Variants in FER observed in about 807,000 individuals in gnomAD.
The protein encoded by FER is tyrosine-protein kinase Fer.
Under a neutral mutation model 111.0 loss-of-function variants are expected in FER, and 63 were observed. The observed-to-expected ratio is 0.57, with a 90% CI of 0.46 to 0.70. The LOEUF (loss-of-function observed/expected upper bound fraction) is 0.70. FER is among the 30% of genes least tolerant of loss of function. The pLI is 0.00. For synonymous variants in FER, 327 were observed against 313.9 expected (o/e 1.04, Z -0.44); for missense variants, 914 against 954.0 (o/e 0.96, Z 0.55).
rs960662798 is a variant in FER at position 108,820,008 on chromosome 5, T to C, written c.208-12762T>C. 3.0e-6 allele frequency: 3 copies of C among 984,410 alleles called. No individual in the cohort carries two copies. In the African/African-American group the frequency reaches 5.3e-5, roughly 17 times the overall value. The allele number at this position is 984,410 out of a possible 1,614,324, so 61.0% of individuals were successfully genotyped here. On this transcript the variant is annotated intron_variant, in intron 3 of 19. Coordinates refer to ENST00000281092, the MANE Select transcript of FER (RefSeq NM_005246.4). ...ATCTGGAACTACAGGAAATAGAAAA[T>C]AACAGAACGGCTTGTCTAGGACATG...
intron 13 of FER, among the ~76,000 whole-genome samples, chr5:109,008,933 G>T (rs1765855962): frequency 6.6e-6 from 1 of 151,984 alleles, no homozygotes; most frequent in African/African-American, 2.4e-5. Context: ...TCGTGCCGTT[G>T]CACTCTAGCC....
intron 15 of FER, 95 bp from the exon 16 acceptor site, chr5:109,047,008 AT>A (rs1772084445): frequency 1.7e-6 from 1 of 602,990 alleles, no homozygotes; most frequent in Non-Finnish European, 2.8e-6. Context: ...TTGAATTATG[AT>A]TCAAGAGTAT....
At chr5:108,928,142 T>G (rs922172558) in intron 10 of FER, among the ~76,000 whole-genome samples, 1 of 152,196 alleles carries the variant, frequency 6.6e-6, no homozygotes, top group Non-Finnish European at 1.5e-5. Flanking sequence ...GTTCGTTCCT[T>G]TTTTAGAAGG....
intron 16 of FER, among the ~76,000 whole-genome samples, chr5:109,093,351 TCTTTA>T (rs1747064106): frequency 6.6e-6 from 1 of 152,204 alleles, no homozygotes; most frequent in South Asian, 2.1e-4. Context: ...TGCAATGTGT[TCTTTA>T]CAAGTATTAT....
chr5:108,767,722 TCC>T (rs1429894820), intron 1 of FER, among the ~76,000 whole-genome samples: 62 of 152,352 alleles, frequency 4.1e-4, no homozygotes, highest in African/African-American at 1.3e-3. Flanking sequence ...ACTCAGGCCA[TCC>T]TCCTACTTTG....
intron 11 of FER, among the ~76,000 whole-genome samples, chr5:108,952,866 A>G (rs1177005770): frequency 2.0e-5 from 3 of 152,084 alleles, no homozygotes; most frequent in Non-Finnish European, 2.9e-5. Context: ...GGCTAGGACA[A>G]GAAATCAACA....
At position 108,871,371 on chromosome 5, in the gene FER, T is replaced by C. The variant is rs1764583821; in HGVS notation, c.672T>C (p.Gly224=). The C allele has an allele frequency of 6.2e-7, 1 of 1,608,024 alleles. No individual in the cohort carries two copies. The highest frequency in any genetic ancestry group is 8.5e-7 in the Non-Finnish European group (1 of 1,177,236). Residue 224 remains glycine (G), a synonymous_variant, in exon 7 of 20, where the codon GGT becomes GGC. Coordinates refer to ENST00000281092, the MANE Select transcript of FER (RefSeq NM_005246.4). ...ATTTTATTTTTGTTTTCAGCAAAGGTATATTTGATGAATACAGCCAGATAA... is the reference window on the plus strand; with the variant it reads ...ATTTTATTTTTGTTTTCAGCAAAGGCATATTTGATGAATACAGCCAGATAA... ...MQEEMIKALK[G]IFDEYSQITS...
intron 16 of FER, chr5:109,051,375 T>C: frequency 6.2e-7 from 1 of 1,612,010 alleles, no homozygotes; most frequent in Admixed American, 1.7e-5. Flanking sequence ...TGCTTGAAGG[T>C]TGCTGGTCCA....
At chr5:108,943,160 A>G (rs1756500518) in intron 10 of FER, among the ~76,000 whole-genome samples, 1 of 152,068 alleles carries the variant, frequency 6.6e-6, no homozygotes, top group Non-Finnish European at 1.5e-5. Flanking sequence ...AACTGTGACT[A>G]ACTGCTCCAA....
At chr5:108,758,064 A>G (rs1451907288) in intron 1 of FER, among the ~76,000 whole-genome samples, 5 of 152,216 alleles carry the variant, frequency 3.3e-5, no homozygotes, top group East Asian at 1.9e-4. Flanking sequence ...ATGGCCTTCA[A>G]TCTACATTAT....
chr5:108,966,466 C>G (rs1295998730), intron 13 of FER, among the ~76,000 whole-genome samples: 1 of 149,346 alleles, frequency 6.7e-6, no homozygotes, highest in Non-Finnish European at 1.5e-5. Context: ...CAGCTCACTG[C>G]AACCTCCACC....
chr5:108,793,223 A>C (rs1410434744), intron 2 of FER, among the ~76,000 whole-genome samples: 1 of 152,086 alleles, frequency 6.6e-6, no homozygotes, highest in Non-Finnish European at 1.5e-5. Context: ...CAGGAGCTCA[A>C]GATTGTCTTT....
intron 5 of FER, among the ~76,000 whole-genome samples, chr5:108,847,764 A>G (rs924679036): frequency 3.9e-5 from 6 of 152,116 alleles, no homozygotes; most frequent in Non-Finnish European, 8.8e-5. Flanking sequence ...AATGACCTTT[A>G]TTATGCCTGG....
At chr5:108,755,129 T>G (rs1391876452) in intron 1 of FER, among the ~76,000 whole-genome samples, 2 of 152,236 alleles carry the variant, frequency 1.3e-5, no homozygotes, top group African/African-American at 4.8e-5. Context: ...ATTTTTTTGC[T>G]TCTGAAATGA....
chr5:108,917,917 C>T (rs1752477456), intron 10 of FER, among the ~76,000 whole-genome samples: 1 of 152,072 alleles, frequency 6.6e-6, no homozygotes, highest in Non-Finnish European at 1.5e-5. Context: ...AAAAGATTTA[C>T]ATGCTTGTGT....
chr5:108,972,430 T>C (rs1760783263), intron 13 of FER, among the ~76,000 whole-genome samples: 1 of 152,218 alleles, frequency 6.6e-6, no homozygotes, highest in East Asian at 1.9e-4. Context: ...ATTTTCATTA[T>C]TCCATCTTCA....
intron 16 of FER, chr5:109,052,475 C>G (rs568751903): frequency 1.9e-6 from 2 of 1,071,472 alleles, no homozygotes; most frequent in African/African-American, 1.6e-5. Flanking sequence ...GGGCACCACT[C>G]TTTTGCTTAA....
At chr5:108,904,826 G>T (rs1750527534) in intron 10 of FER, among the ~76,000 whole-genome samples, 1 of 152,080 alleles carries the variant, frequency 6.6e-6, no homozygotes, top group Non-Finnish European at 1.5e-5. Context: ...TAATATTTCA[G>T]TTTTGTAGAT....
intron 13 of FER, among the ~76,000 whole-genome samples, chr5:109,019,376 G>A (rs72790537): frequency 0.19 from 28,116 of 151,602 alleles, 2,762 homozygotes; most frequent in Non-Finnish European, 0.22. Context: ...GTCCTTCCTA[G>A]TAACTTTCTC....
Sources: allele counts gnomAD v4.1 joint callset (sites outside exome capture counted in the v4.1 genomes callset), GRCh38; gene constraint gnomAD v4.1.1; transcripts MANE v1.5; gene names NCBI Gene and HGNC (gene_info 2026-07-23, HGNC 2026-07-21).